The following EGFL6 variants were observed in gnomAD, a reference collection of about 807,000 sequenced individuals.
EGFL6 encodes epidermal growth factor-like protein 6.
EGFL6 carries 42 observed loss-of-function variants against 43.1 expected under a neutral mutation model. The observed-to-expected ratio is 0.98, with a 90% CI of 0.76 to 1.26. The LOEUF (loss-of-function observed/expected upper bound fraction) is 1.26, where lower values mean the gene tolerates loss of function less well. Among genes scored for constraint, EGFL6 ranks in the 50% most tolerant of loss-of-function variants. The pLI is 0.00. For synonymous variants in EGFL6, 164 were observed against 163.2 expected (o/e 1.01, Z -0.04); for missense variants, 429 against 427.8 (o/e 1.00, Z -0.02).
At chrX:13,584,283 A>C (rs916050264) in intron 1 of EGFL6, among the ~76,000 whole-genome samples, 2 of 110,782 alleles carry the variant, frequency 1.8e-5, no homozygotes, top group Non-Finnish European at 3.8e-5. Flanking sequence ...TTACTAGAAA[A>C]ACTCTCCTCA....
intron 3 of EGFL6, among the ~76,000 whole-genome samples, chrX:13,598,954 A>AT (rs1569205436): frequency 5.3e-4 from 55 of 103,707 alleles, no homozygotes; most frequent in African/African-American, 1.9e-3. Flanking sequence ...ATATATATAT[A>AT]TATATTTTTT....
intron 1 of EGFL6, among the ~76,000 whole-genome samples, chrX:13,580,444 C>A (rs2045499333): frequency 8.9e-6 from 1 of 111,879 alleles, no homozygotes; most frequent in African/African-American, 3.3e-5. Flanking sequence ...CTTCCCTCCA[C>A]TTCACCCTTT....
intron 8 of EGFL6, 34 bp from the exon 9 acceptor site, chrX:13,619,128 GT>G (rs775526980): frequency 2.4e-4 from 283 of 1,156,613 alleles, no homozygotes; most frequent in Middle Eastern, 1.4e-3. Context: ...GGGCTTTAAG[GT>G]TTTTTTCTTA....
intron 1 of EGFL6, among the ~76,000 whole-genome samples, chrX:13,586,239 T>C (rs1217092342): frequency 8.9e-6 from 1 of 111,764 alleles, no homozygotes; most frequent in Non-Finnish European, 1.9e-5. Context: ...AAATGAACAA[T>C]AACAAGTGCT....
intron 1 of EGFL6, among the ~76,000 whole-genome samples, chrX:13,582,188 G>A (rs1463907833): frequency 9.2e-6 from 1 of 108,800 alleles, no homozygotes; most frequent in Non-Finnish European, 1.9e-5. Flanking sequence ...TCAGCCTCCT[G>A]AGTAGCTGGG....
chrX:13,614,158 A>G (rs1350102075), intron 7 of EGFL6, among the ~76,000 whole-genome samples: 1 of 112,303 alleles, frequency 8.9e-6, no homozygotes, highest in Non-Finnish European at 1.9e-5. Flanking sequence ...TTGAGGACAT[A>G]TGGCTAGAAG....
intron 11 of EGFL6, 98 bp from the exon 12 acceptor site, chrX:13,632,887 A>G: frequency 1.0e-5 from 8 of 790,019 alleles, no homozygotes; most frequent in Non-Finnish European, 1.5e-5. Flanking sequence ...GCCGGTTTCT[A>G]TGAAATAGGG....
chrX:13,604,047 T>C (rs969535444), intron 5 of EGFL6, among the ~76,000 whole-genome samples: 1 of 111,754 alleles, frequency 8.9e-6, no homozygotes, highest in African/African-American at 3.3e-5. Context: ...GTCAAATTCA[T>C]TGGCTTAGAA....
chrX:13,619,843 T>C (rs183272543), intron 9 of EGFL6, among the ~76,000 whole-genome samples: 8 of 111,138 alleles, frequency 7.2e-5, no homozygotes, highest in Admixed American at 6.7e-4. Flanking sequence ...GAGGCCTCAG[T>C]TGGGAGGATT....
chrX:13,623,994 G>A lies in EGFL6; in HGVS notation c.1285+69G>A, dbSNP rs1046270393. The stretch of plus-strand genomic sequence containing the variant: ...GATAGAAAGCCCTCCATGAGTGATG[G>A]GTTGTTATTCCCATTACTCATCAGA... On this transcript the variant is annotated intron_variant, in intron 10 of 11. Coordinates refer to ENST00000361306, the MANE Select transcript of EGFL6 (RefSeq NM_015507.4). 1.4e-5 allele frequency: 12 copies of A among 868,837 alleles called. No homozygotes were observed. In the African/African-American group the frequency reaches 2.4e-4, roughly 17 times the overall value. The allele number at this position is 868,837 out of a possible 1,213,427, so 71.6% of individuals were successfully genotyped here. A position where few individuals can be genotyped will look rare whatever the true frequency, so the allele number is the denominator to read the frequency against.
At chrX:13,582,119 G>A (rs1031541038) in intron 1 of EGFL6, among the ~76,000 whole-genome samples, 2 of 107,835 alleles carry the variant, frequency 1.9e-5, no homozygotes, top group Non-Finnish European at 3.8e-5. Context: ...CTGAAGTGCA[G>A]TGGCGCAATC....
At position 13,620,475 on chromosome X, in the gene EGFL6, T is replaced by C. The variant is rs183775243; in HGVS notation, c.1183+1232T>C. ...TTTTGTGTTTACCCTGTGAGTGCAT[T>C]GCCCAGTTCTATCACTTTGGTTTAC... On this transcript the variant is annotated intron_variant, in intron 9 of 11. Coordinates refer to ENST00000361306, the MANE Select transcript of EGFL6 (RefSeq NM_015507.4). 2.7e-5 allele frequency among the ~76,000 whole-genome samples: 3 copies of C among 110,405 alleles called. No individual in the cohort carries two copies. The South Asian group carries it at 1.2e-3, about 43-fold the overall frequency.
chrX:13,612,075 T>G (rs2045691722), intron 7 of EGFL6, among the ~76,000 whole-genome samples: 1 of 110,728 alleles, frequency 9.0e-6, no homozygotes, highest in African/African-American at 3.3e-5. Flanking sequence ...TTATTGATCA[T>G]TCTTGGGTGT....
intron 7 of EGFL6, among the ~76,000 whole-genome samples, chrX:13,609,222 A>G (rs2045676922): frequency 8.9e-6 from 1 of 112,071 alleles, no homozygotes; most frequent in Admixed American, 9.5e-5. Flanking sequence ...TCTCAATTCA[A>G]GGCCTTAAGG....
chrX:13,612,701 C>T (rs2045698025), intron 7 of EGFL6, among the ~76,000 whole-genome samples: 1 of 110,794 alleles, frequency 9.0e-6, no homozygotes, highest in African/African-American at 3.3e-5. Flanking sequence ...GACGGGGTGG[C>T]TAGCCGGGCC....
chrX:13,613,685 T>C (rs948963481), intron 7 of EGFL6, among the ~76,000 whole-genome samples: 6 of 111,887 alleles, frequency 5.4e-5, no homozygotes, highest in African/African-American at 2.0e-4. Context: ...TGAGCGTCCA[T>C]CTAAAGAGCT....
At chrX:13,577,145 T>C (rs2045475784) in intron 1 of EGFL6, among the ~76,000 whole-genome samples, 1 of 109,354 alleles carries the variant, frequency 9.1e-6, no homozygotes, top group African/African-American at 3.3e-5. Flanking sequence ...CTTTCTTTCC[T>C]TTTTGGCCAG....
chrX:13,627,904 A>C (rs1014528652), intron 11 of EGFL6, among the ~76,000 whole-genome samples: 1 of 112,217 alleles, frequency 8.9e-6, no homozygotes, highest in Non-Finnish European at 1.9e-5. Flanking sequence ...CCAGCAACCA[A>C]GCATGATGAC....
chrX:13,607,294 T>C (rs2045665858), intron 6 of EGFL6, among the ~76,000 whole-genome samples: 1 of 111,202 alleles, frequency 9.0e-6, no homozygotes, highest in South Asian at 3.9e-4. Flanking sequence ...GTAACACGTG[T>C]AACAAAGCTA....
Sources: allele counts gnomAD v4.1 joint callset (sites outside exome capture counted in the v4.1 genomes callset), GRCh38; gene constraint gnomAD v4.1.1; transcripts MANE v1.5; gene names NCBI Gene and HGNC (gene_info 2026-07-23, HGNC 2026-07-21).